LRP1B: variants seen among roughly 807,000 people sequenced by gnomAD.
The protein encoded by LRP1B is LDL receptor related protein 1B.
LRP1B carries 217 observed loss-of-function variants against 556.6 expected under a neutral mutation model. That is an observed-to-expected ratio of 0.39 (90% CI 0.35 to 0.44). The LOEUF (loss-of-function observed/expected upper bound fraction) is 0.44. Ranked by LOEUF, LRP1B falls within the 20% of genes least tolerant of loss-of-function variation. LRP1B has a pLI of 1.00. For missense variants in LRP1B, 5,053 were observed against 5,620.8 expected (o/e 0.90, Z 3.23); for synonymous variants, 2,047 against 1,865.8 (o/e 1.10, Z -2.50).
At position 141,385,730 on chromosome 2, in the gene LRP1B, A is replaced by T. The variant is rs565758288; in HGVS notation, c.343+94666T>A. ...CCTATTCCCTCAACTGCTTCTGATT[A>T]TTCTTTTCATCTAAAAAGGAATACA... On this transcript the variant is annotated intron_variant, in intron 3 of 90. Coordinates refer to ENST00000389484, the MANE Select transcript of LRP1B (RefSeq NM_018557.3). Among the ~76,000 whole-genome samples, 6 of 152,282 alleles carry T rather than the reference A, an allele frequency of 3.9e-5. No homozygotes were observed. In the South Asian group the frequency reaches 1.2e-3, roughly 32 times the overall value.
At chr2:140,977,085 T>A (rs893220243) in intron 18 of LRP1B, among the ~76,000 whole-genome samples, 2 of 152,180 alleles carry the variant, frequency 1.3e-5, no homozygotes, top group Admixed American at 6.5e-5. Flanking sequence ...TTTAATATAG[T>A]AATTTGAGGA....
chr2:140,397,743 G>GT (rs1415924357), intron 66 of LRP1B, among the ~76,000 whole-genome samples: 1 of 151,764 alleles, frequency 6.6e-6, no homozygotes, highest in African/African-American at 2.4e-5. Flanking sequence ...CTTGTGTTTT[G>GT]TTTTTTCCAA....
chr2:140,591,405 T>C (rs1342210983), intron 43 of LRP1B, among the ~76,000 whole-genome samples: 1 of 152,246 alleles, frequency 6.6e-6, no homozygotes, highest in African/African-American at 2.4e-5. Flanking sequence ...TTTATCCAGC[T>C]ATTGACAGAC....
intron 1 of LRP1B, among the ~76,000 whole-genome samples, chr2:142,019,285 C>A (rs1417097810): frequency 1.3e-5 from 2 of 152,010 alleles, no homozygotes; most frequent in African/African-American, 4.8e-5. Flanking sequence ...GGTGTGTGAG[C>A]CTACGTTAGT....
At chr2:141,503,217 A>C (rs866522155) in intron 2 of LRP1B, among the ~76,000 whole-genome samples, 1 of 146,686 alleles carries the variant, frequency 6.8e-6, no homozygotes, top group East Asian at 2.0e-4. Context: ...ATGACTATAT[A>C]TAAGATATAC....
At chr2:141,570,554 G>T (rs1286529176) in intron 2 of LRP1B, among the ~76,000 whole-genome samples, 2 of 150,710 alleles carry the variant, frequency 1.3e-5, no homozygotes, top group African/African-American at 4.8e-5. Flanking sequence ...ACCAGCACTG[G>T]CTGGAGCTGT....
At chr2:141,706,382 A>G (rs1324168094) in intron 2 of LRP1B, among the ~76,000 whole-genome samples, 1 of 152,036 alleles carries the variant, frequency 6.6e-6, no homozygotes, top group Non-Finnish European at 1.5e-5. Context: ...TGTTTTCAGA[A>G]CCTAACACTA....
chr2:140,437,917 A>ACATATTTGT (rs1197965575), intron 66 of LRP1B, among the ~76,000 whole-genome samples: 4 of 152,152 alleles, frequency 2.6e-5, no homozygotes, highest in Admixed American at 6.5e-5. Context: ...TAAAAATAGA[A>ACATATTTGT]TATATTTGTT....
intron 2 of LRP1B, among the ~76,000 whole-genome samples, chr2:141,639,586 T>G (rs1156534333): frequency 6.6e-6 from 1 of 151,268 alleles, no homozygotes; most frequent in Non-Finnish European, 1.5e-5. Context: ...AACATTCTCC[T>G]GTACCTTGTG....
intron 2 of LRP1B, among the ~76,000 whole-genome samples, chr2:141,519,393 A>ATC (rs1684451938): frequency 1.9e-4 from 4 of 20,668 alleles, no homozygotes; most frequent in African/African-American, 7.5e-4. Flanking sequence ...ATATATATAT[A>ATC]TATATATATG....
chr2:141,387,116 A>G (rs769107422), intron 3 of LRP1B, among the ~76,000 whole-genome samples: 2 of 152,052 alleles, frequency 1.3e-5, no homozygotes, highest in Non-Finnish European at 2.9e-5. Context: ...CAATGAAGAA[A>G]TCACAAGGGA....
chr2:142,095,116 T>A (rs1006716621), intron 1 of LRP1B, among the ~76,000 whole-genome samples: 2 of 148,506 alleles, frequency 1.3e-5, no homozygotes, highest in Non-Finnish European at 3.0e-5. Context: ...AAAAAATAGG[T>A]GCGATATGCA....
intron 7 of LRP1B, among the ~76,000 whole-genome samples, chr2:141,173,472 C>T (rs1012077094): frequency 7.9e-5 from 12 of 152,076 alleles, no homozygotes; most frequent in Admixed American, 3.3e-4. Context: ...GTGGGATGAA[C>T]TCTGATTAAT....
At chr2:141,732,976 C>T (rs897143977) in intron 2 of LRP1B, among the ~76,000 whole-genome samples, 2 of 152,070 alleles carry the variant, frequency 1.3e-5, no homozygotes, top group Non-Finnish European at 2.9e-5. Context: ...AGCAGAGCCT[C>T]AGCAGGCAGC....
In LRP1B at chr2:140,501,902, A is replaced by G. The variant is rs150816558; in HGVS notation, c.8663-28T>C. On this transcript the variant is annotated intron_variant, in intron 54 of 90. Transcript: ENST00000389484. ...GGAAAAAAAATAAAACAAATGGAACATAAAGGGCATGCCATTGTTTTATAC... is the reference window on the plus strand; with the variant it reads ...GGAAAAAAAATAAAACAAATGGAACGTAAAGGGCATGCCATTGTTTTATAC... The G allele has an allele frequency of 2.3e-3, 3,501 of 1,531,476 alleles. 8 individuals are homozygous for G. Among genetic ancestry groups the G allele is most frequent in the Middle Eastern group, 7.3e-3 (42 of 5,778 alleles). The allele number at this position is 1,531,476 out of a possible 1,614,324, so 94.9% of individuals were successfully genotyped here. A position where few individuals can be genotyped will look rare whatever the true frequency, so the allele number is the denominator to read the frequency against.
intron 88 of LRP1B, among the ~76,000 whole-genome samples, chr2:140,238,517 G>A (rs1399539059): frequency 6.6e-6 from 1 of 150,834 alleles, no homozygotes; most frequent in Non-Finnish European, 1.5e-5. Flanking sequence ...CTAAATAGCC[G>A]AAATGACATC....
chr2:140,318,158 C>CA (rs1437105694), intron 82 of LRP1B, among the ~76,000 whole-genome samples: 2 of 151,984 alleles, frequency 1.3e-5, no homozygotes, highest in Admixed American at 6.6e-5. Flanking sequence ...TTGGCTATAG[C>CA]AAATGTTAAT....
At chr2:140,495,522 T>C (rs746929425) in intron 56 of LRP1B, 43 bp downstream of exon 56, 4 of 1,520,288 alleles carry the variant, frequency 2.6e-6, no homozygotes, top group East Asian at 2.3e-5. Context: ...AGGATCCATA[T>C]GTATAACTGA....
rs146404294 is a variant in LRP1B at position 140,639,684 on chromosome 2, C to A, written c.6800-38045G>T. Among the ~76,000 whole-genome samples the A allele has an allele frequency of 2.5e-3, 384 of 152,260 alleles. 2 individuals carry two copies. Among genetic ancestry groups the A allele is most frequent in the African/African-American group, 9.0e-3 (372 of 41,540 alleles). On this transcript the variant is annotated intron_variant, in intron 41 of 90. Coordinates refer to ENST00000389484, the MANE Select transcript of LRP1B (RefSeq NM_018557.3). ...TTCTCCATGCAAGAAGCAGCATAAT[C>A]CTTCTAAAACAACGTGAAATTATTT... is the stretch of plus-strand genomic sequence containing the variant.
Sources: allele counts gnomAD v4.1 joint callset (sites outside exome capture counted in the v4.1 genomes callset), GRCh38; gene constraint gnomAD v4.1.1; transcripts MANE v1.5; gene names NCBI Gene and HGNC (gene_info 2026-07-23, HGNC 2026-07-21).